The following SNX29 variants were observed in gnomAD, a reference collection of about 807,000 sequenced individuals.
The protein encoded by SNX29 is sorting nexin 29, also known as sorting nexin-29.
A neutral mutation model predicts 102.1 loss-of-function variants in SNX29; 78 were observed. The observed-to-expected ratio is 0.76, with a 90% CI of 0.64 to 0.92. The LOEUF (loss-of-function observed/expected upper bound fraction) is 0.92. SNX29 is among the 40% of genes least tolerant of loss of function. SNX29 has a pLI of 0.00. For missense variants in SNX29, 1,280 were observed against 1,061.7 expected, an observed-to-expected ratio of 1.21 and a Z score of -2.86; for synonymous variants, 580 against 414.5, an observed-to-expected ratio of 1.40 and a Z score of -4.85.
intron 15 of SNX29, among the ~76,000 whole-genome samples, chr16:12,300,293 TTCCACCACTTTC>T (rs2080125963): frequency 6.6e-6 from 1 of 152,222 alleles, no homozygotes; most frequent in Non-Finnish European, 1.5e-5. Flanking sequence ...GCCTCCTGTC[TTCCACCACTTTC>T]TCCAACCAAG....
intron 14 of SNX29, among the ~76,000 whole-genome samples, chr16:12,224,718 G>GT (rs1282734552): frequency 6.6e-6 from 1 of 152,318 alleles, no homozygotes; most frequent in South Asian, 2.1e-4. Context: ...GCAAGGGTTT[G>GT]TTTTTTTGTT....
chr16:12,517,122 CCA>C (rs905482461), intron 19 of SNX29, among the ~76,000 whole-genome samples: 36 of 152,190 alleles, frequency 2.4e-4, no homozygotes, highest in Non-Finnish European at 2.5e-4. Flanking sequence ...GGTAGGAATA[CCA>C]CACAGAGTGA....
At chr16:12,465,389 A>G (rs1339135855) in intron 18 of SNX29, among the ~76,000 whole-genome samples, 1 of 152,204 alleles carries the variant, frequency 6.6e-6, no homozygotes, top group Non-Finnish European at 1.5e-5. Flanking sequence ...TAATTTTTAT[A>G]TGGTGTAAGA....
chr16:12,230,942 G>A (rs1596570345), intron 14 of SNX29, among the ~76,000 whole-genome samples: 1 of 152,120 alleles, frequency 6.6e-6, no homozygotes, highest in African/African-American at 2.4e-5. Flanking sequence ...CGCCTCTTGG[G>A]TTCAAGCGAT....
intron 18 of SNX29, among the ~76,000 whole-genome samples, chr16:12,423,438 C>G (rs575727497): frequency 6.0e-4 from 92 of 152,302 alleles, no homozygotes; most frequent in African/African-American, 2.0e-3. Flanking sequence ...AGCCTCCCCT[C>G]CAGCTCAGGG....
chr16:12,388,729 C>G (rs776211557), intron 16 of SNX29, among the ~76,000 whole-genome samples: 3 of 152,224 alleles, frequency 2.0e-5, no homozygotes, highest in Non-Finnish European at 4.4e-5. Context: ...GCCATAGTTG[C>G]TGACCCCTGA....
At chr16:12,019,573 T>C (rs923596827) in intron 3 of SNX29, among the ~76,000 whole-genome samples, 6 of 144,822 alleles carry the variant, frequency 4.1e-5, no homozygotes, top group South Asian at 4.3e-4. Context: ...GGAATTGTTA[T>C]ATATGTAAAT....
At chr16:12,263,962 A>G (rs774873565) in intron 14 of SNX29, among the ~76,000 whole-genome samples, 4 of 152,342 alleles carry the variant, frequency 2.6e-5, no homozygotes, top group Admixed American at 1.3e-4. Context: ...AATGACTTCA[A>G]TGACCTCCAC....
At chr16:12,175,115 C>T (rs2076231475) in intron 13 of SNX29, among the ~76,000 whole-genome samples, 1 of 152,132 alleles carries the variant, frequency 6.6e-6, no homozygotes, top group Non-Finnish European at 1.5e-5. Context: ...GGTTTATGTT[C>T]AGGGATTATC....
At chr16:12,179,891 C>T (rs1307407080) in intron 13 of SNX29, among the ~76,000 whole-genome samples, 6 of 134,584 alleles carry the variant, frequency 4.5e-5, no homozygotes, top group African/African-American at 1.6e-4. Context: ...AGAAGACTTG[C>T]CCAAAGGAAC....
At chr16:12,141,225 A>G (rs2141502215) in intron 13 of SNX29, among the ~76,000 whole-genome samples, 1 of 152,346 alleles carries the variant, frequency 6.6e-6, no homozygotes, top group South Asian at 2.1e-4. Flanking sequence ...ATTATGAGTA[A>G]GGTTTCCGCC....
chr16:12,216,062 G>C (rs1024012906), intron 14 of SNX29, among the ~76,000 whole-genome samples: 1 of 152,174 alleles, frequency 6.6e-6, no homozygotes, highest in African/African-American at 2.4e-5. Flanking sequence ...GCTCATCGTG[G>C]CTTGCCTTAA....
chr16:12,546,618 AGATT>A, intron 20 of SNX29: 1 of 152,228 alleles, frequency 6.6e-6, no homozygotes, highest in Non-Finnish European at 1.5e-5. Flanking sequence ...CATAAATGCC[AGATT>A]GATCTATTGA....
rs146975043 is a variant in SNX29, at chr16:12,529,031, G to C, written c.2318+4190G>C. Among the ~76,000 whole-genome samples, 209 of 152,296 alleles carry C rather than the reference G, an allele frequency of 1.4e-3. 1 individual carries two copies. The highest frequency in any genetic ancestry group is 4.7e-3 in the African/African-American group (194 of 41,560). ...ACGTGTCCATATTTCACTGTGTTCTGTAAGAGGCATCATGACTTCTAAGTA... is the reference window on the plus strand; with the variant it reads ...ACGTGTCCATATTTCACTGTGTTCTCTAAGAGGCATCATGACTTCTAAGTA... On this transcript the variant is annotated intron_variant, in intron 20 of 20. Coordinates refer to ENST00000566228, the MANE Select transcript of SNX29 (RefSeq NM_032167.5).
rs1326867440 is a variant in SNX29, at chr16:12,470,461, G to A, written c.2038-7258G>A. On this transcript the variant is annotated intron_variant, in intron 18 of 20. Coordinates refer to ENST00000566228, the MANE Select transcript of SNX29 (RefSeq NM_032167.5). ...AAATAGCACTCTTGCCCGGGAACCT[G>A]GGGGCTTGCGTGGCAGGGACTGGAT... Among the ~76,000 whole-genome samples the A allele has an allele frequency of 4.6e-5, 7 of 152,322 alleles. No homozygotes were observed. The South Asian group carries it at 1.0e-3, about 23-fold the overall frequency.
At chr16:12,050,894 T>C (rs2050271870) in intron 7 of SNX29, among the ~76,000 whole-genome samples, 1 of 151,154 alleles carries the variant, frequency 6.6e-6, no homozygotes, top group African/African-American at 2.4e-5. Context: ...TTTTTTTTTG[T>C]ATTTTTAATA....
chr16:12,202,078 C>T (rs1326025639), intron 14 of SNX29, among the ~76,000 whole-genome samples: 4 of 152,154 alleles, frequency 2.6e-5, no homozygotes, highest in East Asian at 1.9e-4. Flanking sequence ...TGAATTAGAG[C>T]GGTTACGTAC....
chr16:12,564,303 C>G (rs1028371704), intron 20 of SNX29, among the ~76,000 whole-genome samples: 2 of 152,206 alleles, frequency 1.3e-5, no homozygotes, highest in African/African-American at 4.8e-5. Flanking sequence ...AAGTTGCTGG[C>G]TAGACTTCAC....
chr16:12,510,902 G>C (rs549337105), intron 19 of SNX29, among the ~76,000 whole-genome samples: 1 of 152,262 alleles, frequency 6.6e-6, no homozygotes, highest in East Asian at 1.9e-4. Flanking sequence ...GGTAGAAGGA[G>C]TCATCGCAGG....
Sources: allele counts gnomAD v4.1 joint callset (sites outside exome capture counted in the v4.1 genomes callset), GRCh38; gene constraint gnomAD v4.1.1; transcripts MANE v1.5; gene names NCBI Gene and HGNC (gene_info 2026-07-23, HGNC 2026-07-21).